Variants in RAB38 observed in about 807,000 individuals in gnomAD.
RAB38 encodes the protein RAB38, member RAS oncogene family.
A neutral mutation model predicts 18.4 loss-of-function variants in RAB38; 15 were observed. The observed-to-expected ratio is 0.82, with a 90% CI of 0.55 to 1.26. The LOEUF is 1.26. Among genes scored for constraint, RAB38 ranks in the 50% most tolerant of loss-of-function variants. The pLI is 0.00. For missense variants in RAB38, 294 were observed against 267.4 expected (o/e 1.10, Z -0.69); for synonymous variants, 101 against 104.4 (o/e 0.97, Z 0.20).
At chr11:88,103,189 A>T in the RAB38 span, among the ~76,000 whole-genome samples, 5 of 152,062 alleles carry the variant, frequency 3.3e-5, no homozygotes, top group African/African-American at 4.8e-5. Context: ...GTTATTTTGA[A>T]GTAGACATCT....
chr11:87,942,361 A>C, the RAB38 span, among the ~76,000 whole-genome samples: 1 of 152,268 alleles, frequency 6.6e-6, no homozygotes, highest in African/African-American at 2.4e-5. Context: ...AAAATTTTTC[A>C]TTGTAAACCT....
the RAB38 span, among the ~76,000 whole-genome samples, chr11:87,874,205 A>G: frequency 6.6e-6 from 1 of 151,264 alleles, no homozygotes; most frequent in African/African-American, 2.4e-5. Context: ...TGACCTATCT[A>G]GAATCAGTTA....
At chr11:87,919,945 T>G in the RAB38 span, among the ~76,000 whole-genome samples, 2 of 152,000 alleles carry the variant, frequency 1.3e-5, no homozygotes, top group Admixed American at 1.3e-4. Flanking sequence ...CCTAAGTAAG[T>G]CTGACAAATG....
At chr11:88,109,807 A>G (rs1414535061), downstream of RAB38, among the ~76,000 whole-genome samples, 1 of 152,238 alleles carries the variant, frequency 6.6e-6, no homozygotes, top group Non-Finnish European at 1.5e-5. Context: ...GCAAATCAAA[A>G]CCACAATGAG....
chr11:88,053,192 CAT>C, the RAB38 span, among the ~76,000 whole-genome samples: 10 of 100,630 alleles, frequency 9.9e-5, no homozygotes, highest in Non-Finnish European at 1.7e-4. Flanking sequence ...TATATACACA[CAT>C]ATATATGGAA....
the RAB38 span, among the ~76,000 whole-genome samples, chr11:87,922,458 T>C: frequency 1.3e-5 from 2 of 152,034 alleles, no homozygotes; most frequent in Admixed American, 1.3e-4. Context: ...TACAGAATTT[T>C]CCTACTTATT....
the RAB38 span, among the ~76,000 whole-genome samples, chr11:88,071,243 GACAC>G: frequency 2.6e-3 from 389 of 148,492 alleles, 4 homozygotes; most frequent in East Asian, 5.4e-3. Flanking sequence ...ACTGGGGGAG[GACAC>G]ACACACACAC....
the RAB38 span, among the ~76,000 whole-genome samples, chr11:88,034,852 A>T: frequency 2.6e-5 from 4 of 152,236 alleles, no homozygotes; most frequent in Non-Finnish European, 5.9e-5. Context: ...CATTTATGTT[A>T]GTATACACAT....
At chr11:87,893,371 C>CATATATATATATATATATGTGTATAT in the RAB38 span, among the ~76,000 whole-genome samples, 1 of 86,446 alleles carries the variant, frequency 1.2e-5, no homozygotes, top group African/African-American at 4.3e-5. Flanking sequence ...ATATATTTTA[C>CATATATATATATATATATGTGTATAT]ATATATATAT....
At chr11:88,070,722 T>A in the RAB38 span, among the ~76,000 whole-genome samples, 1 of 152,134 alleles carries the variant, frequency 6.6e-6, no homozygotes, top group Non-Finnish European at 1.5e-5. Context: ...GGATGAAGAA[T>A]GCTGAAAGAC....
At chr11:87,952,525 T>G in the RAB38 span, among the ~76,000 whole-genome samples, 1 of 152,204 alleles carries the variant, frequency 6.6e-6, no homozygotes, top group South Asian at 2.1e-4. Flanking sequence ...CCATATTCCT[T>G]CACCCTGCAT....
At chr11:87,884,717 G>C in the RAB38 span, among the ~76,000 whole-genome samples, 4 of 151,886 alleles carry the variant, frequency 2.6e-5, no homozygotes, top group Non-Finnish European at 5.9e-5. Flanking sequence ...GGGCAAAAAA[G>C]GGATATCAAA....
chr11:88,080,545 T>G, the RAB38 span, among the ~76,000 whole-genome samples: 1 of 151,714 alleles, frequency 6.6e-6, no homozygotes, highest in South Asian at 2.1e-4. Flanking sequence ...ACAAACAGAT[T>G]CTAACATTTA....
the RAB38 span, among the ~76,000 whole-genome samples, chr11:87,949,684 A>G: frequency 6.6e-6 from 1 of 152,150 alleles, no homozygotes; most frequent in East Asian, 1.9e-4. Flanking sequence ...TTCAGTTTCC[A>G]TGTAGTTGGG....
chr11:87,893,359 C>T, the RAB38 span, among the ~76,000 whole-genome samples: 2 of 30,354 alleles, frequency 6.6e-5, no homozygotes, highest in Admixed American at 7.2e-4. Context: ...ATATATATAC[C>T]TATATATTTT....
Position 88,175,196 on chromosome 11 carries a change from G to T in RAB38, c.189C>A (p.Leu63=). The part of the protein sequence containing the change: ...WDPETVVRLQ[L]WDIAGQERFG... ...CCCCGCGCTCACCTGCGATATCCCA[G>T]AGCTGCAGGCGCACCACAGTCTCCG... The change falls in exon 1 of 3, where the codon CTC becomes CTA. Residue 63 remains leucine (L), a synonymous_variant. Transcript: ENST00000243662. The T allele has an allele frequency of 6.2e-7, 1 of 1,610,380 alleles. No homozygotes were observed. Among genetic ancestry groups the T allele is most frequent in the Non-Finnish European group, 8.5e-7 (1 of 1,178,302 alleles).
chr11:87,960,729 C>G, the RAB38 span, among the ~76,000 whole-genome samples: 3,077 of 152,244 alleles, frequency 0.02, 107 homozygotes, highest in African/African-American at 0.068. Context: ...AAAGTAAACA[C>G]TGTTCATAAA....
chr11:87,929,436 T>C, the RAB38 span, among the ~76,000 whole-genome samples: 1 of 152,014 alleles, frequency 6.6e-6, no homozygotes, highest in African/African-American at 2.4e-5. Flanking sequence ...CTGGTGTGGA[T>C]ATACCCTAAT....
chr11:88,163,991 G>A (rs1261301749), intron 1 of RAB38, among the ~76,000 whole-genome samples: 2 of 152,056 alleles, frequency 1.3e-5, no homozygotes, highest in African/African-American at 4.8e-5. Context: ...ATGACAGGTT[G>A]GAGTGAATCA....
Sources: allele counts gnomAD v4.1 joint callset (sites outside exome capture counted in the v4.1 genomes callset), GRCh38; gene constraint gnomAD v4.1.1; transcripts MANE v1.5; gene names NCBI Gene and HGNC (gene_info 2026-07-23, HGNC 2026-07-21).